Variants in MSLN observed in about 807,000 individuals in gnomAD.
MSLN encodes CAK1 antigen.
Under a neutral mutation model 72.6 loss-of-function variants are expected in MSLN, and 82 were observed. That is an observed-to-expected ratio of 1.13 (90% CI 0.94 to 1.36). The LOEUF is 1.36. Among genes scored for constraint, MSLN ranks in the 40% most tolerant of loss-of-function variants. The pLI, the probability that MSLN is intolerant of heterozygous loss-of-function variation, is 0.00. For synonymous variants in MSLN, 456 were observed against 387.3 expected, an observed-to-expected ratio of 1.18 and a Z score of -2.08; for missense variants, 1,005 against 847.9, an observed-to-expected ratio of 1.19 and a Z score of -2.30.
At chr16:761,509 G>A (rs1567354599) in intron 2 of MSLN, among the ~76,000 whole-genome samples, 1 of 152,214 alleles carries the variant, frequency 6.6e-6, no homozygotes, top group Admixed American at 6.5e-5. Flanking sequence ...GAGGTCCTTG[G>A]GTCACATGGA....
In MSLN at chr16:768,508, C is replaced by A. The variant is rs775163684; in HGVS notation, c.1726C>A (p.Leu576Met). The A allele has an allele frequency of 6.3e-7, 1 of 1,594,344 alleles. No homozygotes were observed. Residue 576 changes from leucine to methionine, a missense_variant, in exon 17 of 18, where the codon CTG (leucine) becomes ATG (methionine). Leu to Met is a conservative substitution (Grantham distance 15). Transcript: ENST00000545450. ...GCAGGACGACCTGGACACGCTGGGG[C>A]TGGGGCTACAGGGCGGCATCCCCAA... ...QRQDDLDTLGLGLQGGIPNGY... is the reference protein window; with the variant it reads ...QRQDDLDTLGMGLQGGIPNGY...
chr16:763,354 G>A (rs2041560854), intron 4 of MSLN, 78 bp downstream of exon 4: 17 of 1,213,854 alleles, frequency 1.4e-5, no homozygotes, highest in Non-Finnish European at 1.9e-5. Flanking sequence ...TCTCTGTCAC[G>A]TATCCACGGT....
chr16:765,504 A>G, intron 9 of MSLN, 23 bp from the exon 10 acceptor site: 1 of 1,589,162 alleles, frequency 6.3e-7, no homozygotes, highest in Non-Finnish European at 8.6e-7. Flanking sequence ...GGGGTCCCTG[A>G]GCTGTGTCCC....
rs111990041 is a variant in MSLN at position 766,101 on chromosome 16, A to T, written c.938A>T (p.Glu313Val). The T allele has an allele frequency of 5.6e-6, 9 of 1,612,508 alleles. No homozygotes were observed. The Admixed American group carries it at 6.7e-5, about 12-fold the overall frequency. ...GGCAAGAAGGCCCGCGAGATAGACG[A>T]GAGCCTCATCTTCTACAAGAAGTGG... is the stretch of plus-strand genomic sequence containing the variant. ...PSGKKAREID[E>V]SLIFYKKWEL... Residue 313 changes from glutamate (E) to valine (V), a missense_variant, in exon 12 of 18, where the codon GAG becomes GTG. Glu to Val is a moderately radical substitution (Grantham distance 121). Transcript: ENST00000545450.
At chr16:763,361 C>T (rs1026116526) in intron 4 of MSLN, 85 bp downstream of exon 4, 98 of 1,180,460 alleles carry the variant, frequency 8.3e-5, no homozygotes, top group South Asian at 2.2e-4. Context: ...CACGTATCCA[C>T]GGTGCTTGCC....
Position 766,239 on chromosome 16 carries a change from T to A in MSLN, c.1074+2T>A, listed in dbSNP as rs563481735. 15 of 1,608,486 alleles carry A rather than the reference T, an allele frequency of 9.3e-6. No individual in the cohort carries two copies. The African/African-American group carries it at 1.5e-4, about 16-fold the overall frequency. On this transcript the variant is annotated splice_donor_variant, in intron 12 of 17. Coordinates refer to ENST00000545450, the MANE Select transcript of MSLN (RefSeq NM_005823.6). LOFTEE classifies it high-confidence loss of function. Reference sequence around the variant, plus strand: ...GTCCTAAAGCATAAACTGGATGAGGTAGTTCATGACTCAAGTTCCCACCGG... The same window carrying A: ...GTCCTAAAGCATAAACTGGATGAGGAAGTTCATGACTCAAGTTCCCACCGG...
chr16:768,416 C>T lies in MSLN; in HGVS notation c.1634C>T (p.Pro545Leu), dbSNP rs1204987073. 2.6e-6 allele frequency: 4 copies of T among 1,512,250 alleles called. No homozygotes were observed. Among genetic ancestry groups the T allele is most frequent in the African/African-American group, 1.4e-5 (1 of 71,642 alleles). The allele number at this position is 1,512,250 out of a possible 1,614,324, so 93.7% of individuals were successfully genotyped here. Residue 545 changes from proline to leucine, a missense_variant, in exon 17 of 18, where the codon CCC becomes CTC. Transcript: ENST00000545450. The stretch of plus-strand genomic sequence containing the variant: ...GCTGAGGTGCAGAAACTTCTGGGAC[C>T]CCACGTGGAGGGCCTGAAGGCGGAG... ...TVAEVQKLLGPHVEGLKAEER... is the reference protein window; with the variant it reads ...TVAEVQKLLGLHVEGLKAEER...
At chr16:768,588 G>GGCTGGGGGCAGA (rs748983133) in intron 17 of MSLN, 23 bp downstream of exon 17, 13 of 1,610,090 alleles carry the variant, frequency 8.1e-6, no homozygotes, top group African/African-American at 4.0e-5. Flanking sequence ...GCCAGGCCAG[G>GGCTGGGGGCAGA]GCTGGGGGCA....
intron 9 of MSLN, 81 bp downstream of exon 9, chr16:765,384 C>T (rs1255764480): frequency 2.1e-5 from 31 of 1,443,338 alleles, no homozygotes; most frequent in Non-Finnish European, 2.7e-5. Context: ...GGCCATGCCT[C>T]AAGGCCCAGG....
chr16:763,179 G>T (rs1480507729), intron 3 of MSLN, 54 bp from the exon 4 acceptor site: 10 of 1,265,770 alleles, frequency 7.9e-6, no homozygotes, highest in East Asian at 2.6e-5. Flanking sequence ...CCTGGGTCAG[G>T]GCACAGCCCA....
Position 768,458 on chromosome 16 carries a change from T to C in MSLN, c.1676T>C (p.Val559Ala), listed in dbSNP as rs759383066. Residue 559 changes from valine to alanine, a missense_variant, in exon 17 of 18, where the codon GTG becomes GCG. Val to Ala is a moderately conservative substitution (Grantham distance 64, BLOSUM62 0). Transcript: ENST00000545450. ...GLKAEERHRPVRDWILRQRQD... is the reference protein window; with the variant it reads ...GLKAEERHRPARDWILRQRQD... ...AAGGCGGAGGAGCGGCACCGCCCGG[T>C]GCGGGACTGGATCCTACGGCAGCGG... The C allele has an allele frequency of 1.3e-6, 2 of 1,555,310 alleles. No individual in the cohort carries two copies. The highest frequency in any genetic ancestry group is 1.7e-6 in the Non-Finnish European group (2 of 1,147,852).
intron 5 of MSLN, 59 bp downstream of exon 5, chr16:763,750 G>A: frequency 1.6e-6 from 1 of 623,198 alleles, no homozygotes; most frequent in Non-Finnish European, 1.9e-6. Context: ...TCGGGACTGA[G>A]GGTGGGCAGG....
Position 766,361 on chromosome 16 carries a change from T to C in MSLN, c.1101T>C (p.Ser367=). ...DELYPQGYPE[S]VIQHLGYLFL... is the part of the protein sequence containing the mutation. Reference sequence around the variant, plus strand: ...TCTACCCACAAGGTTACCCCGAGTCTGTGATCCAGCACCTGGGCTACCTCT... The same window carrying C: ...TCTACCCACAAGGTTACCCCGAGTCCGTGATCCAGCACCTGGGCTACCTCT... The change falls in exon 13 of 18, where the codon TCT becomes TCC. Residue 367 remains serine (S), a synonymous_variant. Transcript: ENST00000545450. 6.2e-7 allele frequency: 1 copy of C among 1,612,726 alleles called. No homozygotes were observed. The highest frequency in any genetic ancestry group is 8.5e-7 in the Non-Finnish European group (1 of 1,179,924).
At position 768,843 on chromosome 16, in the gene MSLN, G is replaced by A. The variant is rs746316461; in HGVS notation, c.*110G>A. Reference sequence around the variant, plus strand: ...AAGAGAACTCGCGCTCAGTAAACGGGAACATGCCCCCTGCAGACACGTCTT... The same window carrying A: ...AAGAGAACTCGCGCTCAGTAAACGGAAACATGCCCCCTGCAGACACGTCTT... On this transcript the variant is annotated 3_prime_UTR_variant, in exon 18 of 18. Coordinates refer to ENST00000545450, the MANE Select transcript of MSLN (RefSeq NM_005823.6). 6.8e-6 allele frequency: 7 copies of A among 1,034,394 alleles called. No individual in the cohort carries two copies. The East Asian group carries it at 1.0e-4, about 15-fold the overall frequency. The allele number at this position is 1,034,394 out of a possible 1,614,324, so 64.1% of individuals were successfully genotyped here. A position where few individuals can be genotyped will look rare whatever the true frequency, so the allele number is the denominator to read the frequency against.
At position 766,335 on chromosome 16, in the gene MSLN, C is replaced by T. The variant is rs1032332383; in HGVS notation, c.1075C>T (p.Leu359Phe). 3.7e-6 allele frequency: 6 copies of T among 1,612,546 alleles called. No homozygotes were observed. Among genetic ancestry groups the T allele is most frequent in the Non-Finnish European group, 4.2e-6 (5 of 1,179,886 alleles). The change falls in exon 13 of 18, where the codon CTC (leucine) becomes TTC (phenylalanine). Residue 359 changes from leucine to phenylalanine, a missense_variant and splice_region_variant. Coordinates refer to ENST00000545450, the MANE Select transcript of MSLN (RefSeq NM_005823.6). Reference sequence around the variant, plus strand: ...GCCCTCCTGGTCTCTTGGCCTGCAGCTCTACCCACAAGGTTACCCCGAGTC... The same window carrying T: ...GCCCTCCTGGTCTCTTGGCCTGCAGTTCTACCCACAAGGTTACCCCGAGTC... ...LDVLKHKLDE[L>F]YPQGYPESVI... is the part of the protein sequence containing the mutation.
Position 768,559 on chromosome 16 carries a change from A to T in MSLN, c.1777A>T (p.Met593Leu), listed in dbSNP as rs1135210. 15 of 1,606,284 alleles carry T rather than the reference A, an allele frequency of 9.3e-6. No individual in the cohort carries two copies. In the African/African-American group the frequency reaches 1.9e-4, roughly 20 times the overall value. Residue 593 changes from methionine to leucine, a missense_variant, in exon 17 of 18, where the codon ATG becomes TTG. Coordinates refer to ENST00000545450, the MANE Select transcript of MSLN (RefSeq NM_005823.6). ...PNGYLVLDLS[M>L]QEALSGTPCL... The stretch of plus-strand genomic sequence containing the variant: ...CGGCTACCTGGTCCTAGACCTCAGC[A>T]TGCAAGGTGGGCGGGGCGGCCAGGC...
At position 766,476 on chromosome 16, in the gene MSLN, G is replaced by A. The variant is rs764768614; in HGVS notation, c.1216G>A (p.Glu406Lys). Residue 406 changes from glutamate to lysine, a missense_variant, in exon 13 of 18, where the codon GAA becomes AAA. Glu to Lys is a moderately conservative substitution (Grantham distance 56). Transcript: ENST00000545450. ...KALLEVNKGH[E>K]MSPQVATLID... ...TTTGCTTGAAGTCAACAAAGGGCAC[G>A]AAATGAGTCCTCAGGTGACCGTCCG... The A allele has an allele frequency of 1.7e-5, 27 of 1,612,532 alleles. No homozygotes were observed. Among genetic ancestry groups the A allele is most frequent in the African/African-American group, 1.5e-4 (11 of 74,912 alleles).
At chr16:764,287 G>A in intron 6 of MSLN, 144 bp downstream of exon 6, 4 of 1,253,904 alleles carry the variant, frequency 3.2e-6, no homozygotes, top group Non-Finnish European at 3.2e-6. Context: ...GAGTTCCTCT[G>A]GCCACCCAAG....
At chr16:765,374 G>A (rs1486511863) in intron 9 of MSLN, 71 bp downstream of exon 9, 28 of 1,455,940 alleles carry the variant, frequency 1.9e-5, no homozygotes, top group African/African-American at 1.5e-4. Context: ...GGACACTTGC[G>A]GCCATGCCTC....
Sources: gnomAD v4.1 joint callset for allele counts (sites outside exome capture counted in the v4.1 genomes callset) on GRCh38, gnomAD v4.1.1 for gene constraint, MANE v1.5 for transcripts, NCBI Gene and HGNC (gene_info 2026-07-23, HGNC 2026-07-21) for gene names.